The following MYO1E variants were observed in gnomAD, a reference collection of about 807,000 sequenced individuals.
The protein encoded by MYO1E is unconventional myosin-Ie.
Under a neutral mutation model 151.1 loss-of-function variants are expected in MYO1E, and 68 were observed. The observed-to-expected ratio is 0.45, with a 90% confidence interval of 0.37 to 0.55. The LOEUF (loss-of-function observed/expected upper bound fraction) is 0.55, where lower values mean the gene tolerates loss of function less well. MYO1E is among the 20% of genes least tolerant of loss of function. MYO1E has a pLI of 0.00. For synonymous variants in MYO1E, 601 were observed against 501.7 expected (o/e 1.20, Z -2.64); for missense variants, 1,363 against 1,389.3 (o/e 0.98, Z 0.30).
intron 2 of MYO1E, among the ~76,000 whole-genome samples, chr15:59,268,635 T>C (rs1437010615): frequency 4.0e-5 from 6 of 150,902 alleles, no homozygotes; most frequent in African/African-American, 1.5e-4. Flanking sequence ...CATATATGCA[T>C]GGCCATATGT....
At chr15:59,353,597 AAT>A (rs1417185963) in intron 1 of MYO1E, among the ~76,000 whole-genome samples, 1 of 151,396 alleles carries the variant, frequency 6.6e-6, no homozygotes, top group East Asian at 1.9e-4. Context: ...TTCTACTAAA[AAT>A]ACAAAAAAAT....
chr15:59,327,938 G>A (rs1256392528), intron 1 of MYO1E, among the ~76,000 whole-genome samples: 7 of 152,174 alleles, frequency 4.6e-5, no homozygotes, highest in East Asian at 1.9e-4. Context: ...GCAAAGGAAC[G>A]TTTGCCACAT....
chr15:59,167,141 A>G (rs2079567408), intron 22 of MYO1E, among the ~76,000 whole-genome samples: 2 of 152,208 alleles, frequency 1.3e-5, no homozygotes, highest in Non-Finnish European at 2.9e-5. Flanking sequence ...TTTTATTGCC[A>G]GAAAGTTTAG....
chr15:59,307,322 C>A (rs1166638178), intron 1 of MYO1E, among the ~76,000 whole-genome samples: 1 of 152,106 alleles, frequency 6.6e-6, no homozygotes, highest in African/African-American at 2.4e-5. Flanking sequence ...ACCCTGGGCC[C>A]GGGGAGGATG....
At position 59,267,175 on chromosome 15, in the gene MYO1E, G is replaced by A. The variant is rs187759520; in HGVS notation, c.147+5131C>T. Among the ~76,000 whole-genome samples the A allele has an allele frequency of 4.3e-3, 640 of 150,490 alleles. 2 individuals are homozygous for A. Among genetic ancestry groups the A allele is most frequent in the Middle Eastern group, 0.017 (5 of 294 alleles). ...CGAGTAGCCGGGACTACAGGCATGC[G>A]CCACTACGCCCGGCTAATTTTTGTA... On this transcript the variant is annotated intron_variant, in intron 2 of 27. Coordinates refer to ENST00000288235, the MANE Select transcript of MYO1E (RefSeq NM_004998.4).
intron 1 of MYO1E, among the ~76,000 whole-genome samples, chr15:59,286,589 T>G (rs2080389039): frequency 6.6e-6 from 1 of 151,888 alleles, no homozygotes; most frequent in Non-Finnish European, 1.5e-5. Flanking sequence ...TGATCAGGGG[T>G]GTCTTGATGT....
At chr15:59,369,257 T>C (rs772797355) in intron 1 of MYO1E, among the ~76,000 whole-genome samples, 11 of 152,232 alleles carry the variant, frequency 7.2e-5, no homozygotes, top group Non-Finnish European at 1.2e-4. Flanking sequence ...ATGTGTCATA[T>C]CTATAATTTC....
intron 4 of MYO1E, among the ~76,000 whole-genome samples, chr15:59,254,083 T>C (rs1483804391): frequency 1.3e-5 from 2 of 152,108 alleles, no homozygotes; most frequent in Non-Finnish European, 2.9e-5. Flanking sequence ...GGAATACTGA[T>C]ATTAGATACT....
At chr15:59,319,550 C>CTTTTTTTTTCTTTTTT (rs2080611671) in intron 1 of MYO1E, among the ~76,000 whole-genome samples, 1 of 63,680 alleles carries the variant, frequency 1.6e-5, no homozygotes. Flanking sequence ...GTCAAACTAC[C>CTTTTTTTTTCTTTTTT]TTTTTTTTTT....
chr15:59,190,482 T>A (rs1156941576), intron 17 of MYO1E, among the ~76,000 whole-genome samples: 1 of 152,226 alleles, frequency 6.6e-6, no homozygotes, highest in African/African-American at 2.4e-5. Context: ...AGTCTCATAC[T>A]TGCGGATGTC....
intron 1 of MYO1E, among the ~76,000 whole-genome samples, chr15:59,290,200 T>C (rs1225276627): frequency 1.3e-5 from 2 of 152,212 alleles, no homozygotes; most frequent in African/African-American, 4.8e-5. Flanking sequence ...ACCTGGCAGC[T>C]TCTATTAAGG....
In MYO1E at chr15:59,372,485, G is replaced by A. The variant is rs1318882915; in HGVS notation, c.3+13C>T. On this transcript the variant is annotated intron_variant, in intron 1 of 27. Transcript: ENST00000288235. ...CGGGTCCGGCGTCCTAGGACGCGGCGCGGCCAACTCACCATGGTGACTCGC... is the reference window on the plus strand; with the variant it reads ...CGGGTCCGGCGTCCTAGGACGCGGCACGGCCAACTCACCATGGTGACTCGC... 4 of 1,538,788 alleles carry A rather than the reference G, an allele frequency of 2.6e-6. No homozygotes were observed. In the African/African-American group the frequency reaches 4.1e-5, roughly 16 times the overall value.
At position 59,153,631 on chromosome 15, in the gene MYO1E, C is replaced by T. The variant is rs1280185350; in HGVS notation, c.3039G>A (p.Glu1013=). 6.2e-7 allele frequency: 1 copy of T among 1,614,194 alleles called. No individual in the cohort carries two copies. Among genetic ancestry groups the T allele is most frequent in the Admixed American group, 1.7e-5 (1 of 60,032 alleles). Residue 1013 remains glutamate, a synonymous_variant, in exon 26 of 28, where the codon GAG becomes GAA. Coordinates refer to ENST00000288235, the MANE Select transcript of MYO1E (RefSeq NM_004998.4). The part of the protein sequence containing the change: ...TSSDRVSQTP[E]SLDFLKVPDQ... ...CCGGGACCTTGAGGAAATCCAGGCT[C>T]TCTGGCGTCTGTGACACTCGGTCTG...
In MYO1E at chr15:59,208,157, A is replaced by G. The variant is rs1305696464; in HGVS notation, c.1530+524T>C. Reference sequence around the variant, plus strand: ...TACAGGATTATATAACGAAATTTTGAATAAACTTGAATTCCTAAAAGATGG... The same window carrying G: ...TACAGGATTATATAACGAAATTTTGGATAAACTTGAATTCCTAAAAGATGG... On this transcript the variant is annotated intron_variant, in intron 14 of 27. Coordinates refer to ENST00000288235, the MANE Select transcript of MYO1E (RefSeq NM_004998.4). 4 of 1,322,754 alleles carry G rather than the reference A, an allele frequency of 3.0e-6. No homozygotes were observed. In the African/African-American group the frequency reaches 5.9e-5, roughly 20 times the overall value. 81.9% of individuals were successfully genotyped at this position (1,322,754 alleles called of 1,614,324 possible).
chr15:59,135,712 G>A lies in MYO1E; in HGVS notation c.*1668C>T, dbSNP rs1392980026. On this transcript the variant is annotated 3_prime_UTR_variant, in exon 28 of 28. Coordinates refer to ENST00000288235, the MANE Select transcript of MYO1E (RefSeq NM_004998.4). The stretch of plus-strand genomic sequence containing the variant: ...CTAGATCAATTTTTTTCCCTTATAC[G>A]TAAGCCCTGATAATTTTTTCCCATG... 3.9e-5 allele frequency: 6 copies of A among 151,978 alleles called. No individual in the cohort carries two copies. Among genetic ancestry groups the A allele is most frequent in the Admixed American group, 1.3e-4 (2 of 15,262 alleles). 9.4% of individuals were successfully genotyped at this position (151,978 alleles called of 1,614,324 possible).
intron 14 of MYO1E, among the ~76,000 whole-genome samples, chr15:59,206,497 G>A (rs1364144524): frequency 2.0e-5 from 3 of 152,172 alleles, no homozygotes; most frequent in Admixed American, 1.3e-4. Flanking sequence ...ACTGGGAGAT[G>A]GTGCAGGCAG....
At chr15:59,140,030 T>C (rs866319753) in intron 26 of MYO1E, among the ~76,000 whole-genome samples, 1 of 151,992 alleles carries the variant, frequency 6.6e-6, no homozygotes, top group Non-Finnish European at 1.5e-5. Context: ...TTTCTCAACA[T>C]CTGCACTACT....
chr15:59,153,192 T>C (rs2079491572), intron 26 of MYO1E, among the ~76,000 whole-genome samples: 1 of 152,358 alleles, frequency 6.6e-6, no homozygotes, highest in African/African-American at 2.4e-5. Flanking sequence ...AATGCTGGGA[T>C]GTTATGCTTA....
chr15:59,231,858 T>C (rs1418509678), intron 5 of MYO1E, 67 bp from the exon 6 acceptor site: 4 of 1,517,804 alleles, frequency 2.6e-6, no homozygotes, highest in Non-Finnish European at 3.7e-6. Flanking sequence ...ACGCCAAACT[T>C]TCTCTAAGGA....
Sources: gnomAD v4.1 joint callset for allele counts (sites outside exome capture counted in the v4.1 genomes callset) on GRCh38, gnomAD v4.1.1 for gene constraint, MANE v1.5 for transcripts, NCBI Gene and HGNC (gene_info 2026-07-23, HGNC 2026-07-21) for gene names.